The following PCSK5 variants were observed in gnomAD, a reference collection of about 807,000 sequenced individuals.
PCSK5 encodes prohormone convertase 5.
Under a neutral mutation model 233.2 loss-of-function variants are expected in PCSK5, and 129 were observed. The observed-to-expected ratio is 0.55, with a 90% confidence interval of 0.48 to 0.64. The LOEUF (loss-of-function observed/expected upper bound fraction) is 0.64. Among genes scored for constraint, PCSK5 ranks in the 30% least tolerant of loss-of-function variants. PCSK5 has a pLI of 0.00. For missense variants in PCSK5, 2,076 were observed against 2,430.1 expected (o/e 0.85, Z 3.06); for synonymous variants, 825 against 879.2 (o/e 0.94, Z 1.09).
chr9:76,351,928 G>A lies in PCSK5; in HGVS notation c.5067+1000G>A, dbSNP rs116706919. The stretch of plus-strand genomic sequence containing the variant: ...CCCAAAGTTAGCCTTTGGGTTGGGG[G>A]TTCCCTCGCTATTGTCACTTCTGTG... On this transcript the variant is annotated intron_variant, in intron 36 of 37. Transcript: ENST00000674117. Among the ~76,000 whole-genome samples, 1,277 of 152,130 alleles carry A rather than the reference G, an allele frequency of 8.4e-3. 23 individuals carry two copies. Among genetic ancestry groups the A allele is most frequent in the African/African-American group, 0.029 (1,213 of 41,494 alleles).
At chr9:76,301,977 G>A (rs1828621828) in intron 27 of PCSK5, among the ~76,000 whole-genome samples, 160 bp from the exon 28 acceptor site, 2 of 118,608 alleles carry the variant, frequency 1.7e-5, no homozygotes, top group South Asian at 5.6e-4. Flanking sequence ...TCTATACATA[G>A]ATGTAATTAT....
intron 15 of PCSK5, 77 bp downstream of exon 15, chr9:76,179,775 G>A: frequency 2.1e-6 from 2 of 963,114 alleles, no homozygotes; most frequent in Admixed American, 1.8e-5. Context: ...AATACCATGG[G>A]GTGTGTGCAG....
chr9:76,120,966 C>T lies in PCSK5; in HGVS notation c.1209-13143C>T, dbSNP rs111928129. ...AGGATTGTTGCTAGGATTAAGTGAA[C>T]TTAGGTATATGGAAAGTACTAAAAT... On this transcript the variant is annotated intron_variant, in intron 9 of 37. Coordinates refer to ENST00000674117, the MANE Select transcript of PCSK5 (RefSeq NM_001372043.1). Among the ~76,000 whole-genome samples, 181 of 152,132 alleles carry T rather than the reference C, an allele frequency of 1.2e-3. 1 individual carries two copies. The highest frequency in any genetic ancestry group is 4.2e-3 in the African/African-American group (176 of 41,536).
At chr9:76,089,774 A>G (rs1388522018) in intron 7 of PCSK5, among the ~76,000 whole-genome samples, 2 of 152,244 alleles carry the variant, frequency 1.3e-5, no homozygotes, top group Non-Finnish European at 2.9e-5. Context: ...ATTTAGTTCC[A>G]TCATAGACTG....
chr9:76,162,668 A>C (rs1424915556), intron 12 of PCSK5, among the ~76,000 whole-genome samples: 1 of 152,222 alleles, frequency 6.6e-6, no homozygotes, highest in Non-Finnish European at 1.5e-5. Context: ...CAGGAGGACC[A>C]TGTAAAGCAA....
intron 24 of PCSK5, among the ~76,000 whole-genome samples, chr9:76,255,148 G>A (rs2084205806): frequency 6.6e-6 from 1 of 152,036 alleles, no homozygotes; most frequent in Non-Finnish European, 1.5e-5. Context: ...TTAATTGAGT[G>A]TGGTGGTACA....
At chr9:76,211,126 A>G (rs1443653597) in intron 20 of PCSK5, among the ~76,000 whole-genome samples, 3 of 152,362 alleles carry the variant, frequency 2.0e-5, no homozygotes, top group East Asian at 3.9e-4. Context: ...ATCTGGACTG[A>G]GAAGAATTGT....
chr9:76,140,642 T>G (rs1008250161), intron 10 of PCSK5, among the ~76,000 whole-genome samples: 1 of 152,064 alleles, frequency 6.6e-6, no homozygotes, highest in African/African-American at 2.4e-5. Flanking sequence ...TAATATGGCA[T>G]CAAAGTTTTT....
intron 24 of PCSK5, among the ~76,000 whole-genome samples, chr9:76,259,518 CA>C (rs1827098555): frequency 6.6e-6 from 1 of 151,726 alleles, no homozygotes; most frequent in African/African-American, 2.4e-5. Context: ...TTAATTCTAG[CA>C]GATCAGATAT....
intron 36 of PCSK5, among the ~76,000 whole-genome samples, chr9:76,353,363 A>G (rs1344055441): frequency 6.6e-6 from 1 of 152,198 alleles, no homozygotes; most frequent in East Asian, 1.9e-4. Context: ...CACAGCCACA[A>G]CCTATATTAT....
At position 75,891,057 on chromosome 9, in the gene PCSK5, C is replaced by CGGGGCTGCGAGCTGCGGCGGCCT; in HGVS notation, c.-103_-102insTGGGGCTGCGAGCTGCGGCGGCC. ...GGCTAGCCGCCTCCTGCCGATCGCCCGGGGCTGCGAGCTGCGGCGGCCCGG... is the reference window on the plus strand; with the variant it reads ...GGCTAGCCGCCTCCTGCCGATCGCCCGGGGCTGCGAGCTGCGGCGGCCTGGGGCTGCGAGCTGCGGCGGCCCGG... On this transcript the variant is annotated 5_prime_UTR_variant, in exon 1 of 38. Transcript: ENST00000674117. The CGGGGCTGCGAGCTGCGGCGGCCT allele has an allele frequency of 3.4e-6, 3 of 882,084 alleles. No homozygotes were observed. The highest frequency in any genetic ancestry group is 3.1e-6 in the Non-Finnish European group (2 of 642,084). 54.6% of individuals were successfully genotyped at this position (882,084 alleles called of 1,614,324 possible). A position where few individuals can be genotyped will look rare whatever the true frequency, so the allele number is the denominator to read the frequency against.
intron 2 of PCSK5, among the ~76,000 whole-genome samples, chr9:75,955,506 A>G (rs754410320): frequency 5.3e-5 from 8 of 152,312 alleles, no homozygotes; most frequent in Non-Finnish European, 1.2e-4. Context: ...CAATTGTAAC[A>G]TACTTAATTG....
At chr9:76,157,943 A>G (rs1360204875) in intron 11 of PCSK5, among the ~76,000 whole-genome samples, 1 of 152,240 alleles carries the variant, frequency 6.6e-6, no homozygotes, top group African/African-American at 2.4e-5. Flanking sequence ...GAAGCTGTGT[A>G]ACAACTTGGG....
At chr9:76,281,622 C>T (rs1389003634) in intron 24 of PCSK5, among the ~76,000 whole-genome samples, 1 of 152,102 alleles carries the variant, frequency 6.6e-6, no homozygotes, top group Non-Finnish European at 1.5e-5. Flanking sequence ...GATTCTGCAG[C>T]CCATGGATTG....
chr9:76,268,412 G>T (rs968933883), intron 24 of PCSK5, among the ~76,000 whole-genome samples: 2 of 152,146 alleles, frequency 1.3e-5, no homozygotes, highest in Non-Finnish European at 2.9e-5. Context: ...TTGTTGCTTT[G>T]TTTGTTGACT....
At chr9:76,014,445 A>G (rs1827861117) in intron 3 of PCSK5, among the ~76,000 whole-genome samples, 1 of 152,242 alleles carries the variant, frequency 6.6e-6, no homozygotes, top group Admixed American at 6.5e-5. Context: ...GAAGAAAGTC[A>G]TTTGGCAAAA....
At position 75,971,433 on chromosome 9, in the gene PCSK5, C is replaced by T. The variant is rs140075389; in HGVS notation, c.298-14699C>T. 5.6e-3 allele frequency among the ~76,000 whole-genome samples: 857 copies of T among 152,132 alleles called. 10 individuals carry two copies. The highest frequency in any genetic ancestry group is 0.02 in the African/African-American group (830 of 41,484). On this transcript the variant is annotated intron_variant, in intron 2 of 37. Coordinates refer to ENST00000674117, the MANE Select transcript of PCSK5 (RefSeq NM_001372043.1). Reference sequence around the variant, plus strand: ...CTTTATAATAGAATGATTTATATTCCTTTGGGTATATACCCAGTAATGGGA... The same window carrying T: ...CTTTATAATAGAATGATTTATATTCTTTTGGGTATATACCCAGTAATGGGA...
chr9:76,290,255 G>A (rs1378051804), intron 24 of PCSK5, among the ~76,000 whole-genome samples: 2 of 152,308 alleles, frequency 1.3e-5, no homozygotes, highest in Non-Finnish European at 1.5e-5. Context: ...GGCCTCTGCT[G>A]GCCCTTACAA....
intron 29 of PCSK5, among the ~76,000 whole-genome samples, chr9:76,310,135 C>A (rs1342590384): frequency 1.3e-5 from 2 of 151,938 alleles, no homozygotes; most frequent in East Asian, 3.9e-4. Context: ...GTAGTCCCAG[C>A]TGCTCAGGAG....
Sources: gnomAD v4.1 joint callset for allele counts (sites outside exome capture counted in the v4.1 genomes callset) on GRCh38, gnomAD v4.1.1 for gene constraint, MANE v1.5 for transcripts, NCBI Gene and HGNC (gene_info 2026-07-23, HGNC 2026-07-21) for gene names.